The following KCTD19 variants were observed in gnomAD, a reference collection of about 807,000 sequenced individuals.
The protein encoded by KCTD19 is BTB/POZ domain-containing protein KCTD19.
KCTD19 carries 67 observed loss-of-function variants against 103.5 expected under a neutral mutation model. The observed-to-expected ratio is 0.65, with a 90% CI of 0.53 to 0.79. The LOEUF (loss-of-function observed/expected upper bound fraction) is 0.79, where lower values mean the gene tolerates loss of function less well. KCTD19 is among the 30% of genes least tolerant of loss of function. The pLI is 0.00. For synonymous variants in KCTD19, 439 were observed against 452.2 expected (o/e 0.97, Z 0.37); for missense variants, 980 against 1,136.1 (o/e 0.86, Z 1.98).
chr16:67,295,013 G>A lies in KCTD19; in HGVS notation c.1435C>T (p.Pro479Ser). The change falls in exon 10 of 16, where the codon CCA becomes TCA. Residue 479 changes from proline (P) to serine (S), a missense_variant. Coordinates refer to ENST00000304372, the MANE Select transcript of KCTD19 (RefSeq NM_001100915.3). The stretch of plus-strand genomic sequence containing the variant: ...TGTGCAAGGGCTTCTGAGAGGGATG[G>A]AATGTGGTATTCCTCCACCTCCTGG... ...FCQEVEEYHI[P>S]SLSEALAQCE... The A allele has an allele frequency of 1.2e-6, 2 of 1,613,992 alleles. No homozygotes were observed. Among genetic ancestry groups the A allele is most frequent in the African/African-American group, 2.7e-5 (2 of 75,040 alleles).
chr16:67,318,664 G>A (rs2037038812), intron 2 of KCTD19, among the ~76,000 whole-genome samples: 1 of 151,870 alleles, frequency 6.6e-6, no homozygotes, highest in Non-Finnish European at 1.5e-5. Flanking sequence ...TGTAGAATAG[G>A]CTTGTATTCT....
At chr16:67,301,531 C>T (rs549841955) in intron 5 of KCTD19, 5 of 324,456 alleles carry the variant, frequency 1.5e-5, no homozygotes, top group Admixed American at 4.6e-5. Flanking sequence ...CTGGGCTCCT[C>T]CTGATCCAGG....
In KCTD19 at chr16:67,322,460, G is replaced by A. The variant is rs535451216; in HGVS notation, c.4-1575C>T. Among the ~76,000 whole-genome samples, 23 of 152,100 alleles carry A rather than the reference G, an allele frequency of 1.5e-4. No homozygotes were observed. In the East Asian group the frequency reaches 1.7e-3, roughly 12 times the overall value. Reference sequence around the variant, plus strand: ...ACTACAGGCACCCGCCACCACGCCCGGCTAATTTTTTGTATTTTTAGTAGA... The same window carrying A: ...ACTACAGGCACCCGCCACCACGCCCAGCTAATTTTTTGTATTTTTAGTAGA... On this transcript the variant is annotated intron_variant, in intron 1 of 15. Coordinates refer to ENST00000304372, the MANE Select transcript of KCTD19 (RefSeq NM_001100915.3).
intron 2 of KCTD19, among the ~76,000 whole-genome samples, chr16:67,314,987 T>A (rs1377952274): frequency 1.3e-5 from 2 of 150,840 alleles, no homozygotes; most frequent in African/African-American, 2.5e-5. Context: ...TCCCAAGTAG[T>A]TGGGACTATA....
rs2036818205 is a variant in KCTD19, at chr16:67,300,175, G to C, written c.776-602C>G. On this transcript the variant is annotated intron_variant, in intron 5 of 15. Transcript: ENST00000304372. The surrounding 1 kb of genome is among the most constrained non-coding windows in gnomAD (Gnocchi z 4.5). ...TCCCGTGGCAACAATGTGCCAGTGGGCACACTGCTGGGGGATGTTCGTGGA... is the reference window on the plus strand; with the variant it reads ...TCCCGTGGCAACAATGTGCCAGTGGCCACACTGCTGGGGGATGTTCGTGGA... 1 of 152,654 alleles carries C rather than the reference G, an allele frequency of 6.6e-6. No individual in the cohort carries two copies. Among genetic ancestry groups the C allele is most frequent in the Non-Finnish European group, 1.5e-5 (1 of 68,394 alleles). The allele number at this position is 152,654 out of a possible 1,614,324, so 9.5% of individuals were successfully genotyped here.
chr16:67,319,391 G>A (rs963674995), intron 2 of KCTD19, among the ~76,000 whole-genome samples: 6 of 152,102 alleles, frequency 3.9e-5, no homozygotes, highest in Admixed American at 3.3e-4. Context: ...TCTAAAAAGT[G>A]TTGAGGCACA....
chr16:67,320,903 A>T lies in KCTD19; in HGVS notation c.4-18T>A. On this transcript the variant is annotated intron_variant, in intron 1 of 15. Transcript: ENST00000304372. The surrounding 1 kb of genome is among the most constrained non-coding windows in gnomAD (Gnocchi z 4.0). Reference sequence around the variant, plus strand: ...GACTCCTCCTAAAGGGGGAATGAAAAAGAGATCTACGCAAGAAAAAGAAAT... The same window carrying T: ...GACTCCTCCTAAAGGGGGAATGAAATAGAGATCTACGCAAGAAAAAGAAAT... The T allele has an allele frequency of 1.3e-6, 2 of 1,585,948 alleles. No individual in the cohort carries two copies. Among genetic ancestry groups the T allele is most frequent in the Non-Finnish European group, 1.7e-6 (2 of 1,168,644 alleles).
intron 2 of KCTD19, among the ~76,000 whole-genome samples, chr16:67,313,805 C>T (rs1340430124): frequency 1.3e-5 from 2 of 151,284 alleles, no homozygotes; most frequent in Admixed American, 6.6e-5. Context: ...TCAGGCTGGC[C>T]GCCTCAGCCT....
chr16:67,303,108 C>CGGGGCG lies in KCTD19; in HGVS notation c.643+37_643+38insCGCCCC. Reference sequence around the variant, plus strand: ...ATGGGGAGGGGTGAATGGGCCCTATCAGCCCGCCCCCCACCCCACCCCGGA... The same window carrying CGGGGCG: ...ATGGGGAGGGGTGAATGGGCCCTATCGGGGCGAGCCCGCCCCCCACCCCACCCCGGA... On this transcript the variant is annotated intron_variant, in intron 4 of 15. Coordinates refer to ENST00000304372, the MANE Select transcript of KCTD19 (RefSeq NM_001100915.3). This position sits in a 1 kb window ranked among gnomAD's most constrained non-coding sequence, Gnocchi z 4.3. 2.5e-6 allele frequency: 2 copies of CGGGGCG among 798,078 alleles called. No individual in the cohort carries two copies. Among genetic ancestry groups the CGGGGCG allele is most frequent in the Non-Finnish European group, 4.2e-6 (2 of 476,660 alleles). The allele number at this position is 798,078 out of a possible 1,614,324, so 49.4% of individuals were successfully genotyped here. A position where few individuals can be genotyped will look rare whatever the true frequency, so the allele number is the denominator to read the frequency against.
intron 15 of KCTD19, 108 bp downstream of exon 15, chr16:67,290,777 G>A: frequency 2.0e-6 from 2 of 993,466 alleles, no homozygotes; most frequent in Non-Finnish European, 2.9e-6. Flanking sequence ...TAAGCTGCCT[G>A]TCTAGCCTTC....
At chr16:67,319,156 G>A (rs1344618597) in intron 2 of KCTD19, among the ~76,000 whole-genome samples, 1 of 151,912 alleles carries the variant, frequency 6.6e-6, no homozygotes, top group Admixed American at 6.6e-5. Context: ...CTGGGAGGCG[G>A]AGGTTGCAGT....
chr16:67,290,287 C>T (rs1001592062), intron 15 of KCTD19, among the ~76,000 whole-genome samples: 2 of 150,608 alleles, frequency 1.3e-5, no homozygotes, highest in Non-Finnish European at 2.9e-5. Flanking sequence ...ACGCCATTCT[C>T]CTGCCTCAGC....
At position 67,320,785 on chromosome 16, in the gene KCTD19, G is replaced by A; in HGVS notation, c.104C>T (p.Pro35Leu). ...SVPRSKLSQF[P>L]DSLLWKEASA... is the part of the protein sequence containing the mutation. ...AGCCTCTTTCCACAGCAGGGAGTCTGGAAACTGAGAGAGTTTGCTTCTGGG... is the reference window on the plus strand; with the variant it reads ...AGCCTCTTTCCACAGCAGGGAGTCTAGAAACTGAGAGAGTTTGCTTCTGGG... The change falls in exon 2 of 16, where the codon CCA (proline) becomes CTA (leucine). Residue 35 changes from proline to leucine, a missense_variant. Physicochemically the swap from Pro to Leu is moderately conservative, Grantham distance 98. Transcript: ENST00000304372. The surrounding 1 kb of genome is among the most constrained non-coding windows in gnomAD (Gnocchi z 4.0). The A allele has an allele frequency of 6.2e-7, 1 of 1,614,160 alleles. No individual in the cohort carries two copies. Among genetic ancestry groups the A allele is most frequent in the African/African-American group, 1.3e-5 (1 of 75,040 alleles).
In KCTD19 at chr16:67,299,484, T is replaced by C. The variant is rs1479226261; in HGVS notation, c.865A>G (p.Met289Val). Residue 289 changes from methionine to valine, a missense_variant, in exon 6 of 16, where the codon ATG (methionine) becomes GTG (valine). Coordinates refer to ENST00000304372, the MANE Select transcript of KCTD19 (RefSeq NM_001100915.3). Reference protein sequence around the residue: ...SLESVKPLYTMALGLLVKYPD... With the variant: ...SLESVKPLYTVALGLLVKYPD... ...TACTTGACCAGCAGACCCAGGGCCA[T>C]TGTGTAGAGCGGTTTCACGGACTCC... The C allele has an allele frequency of 3.1e-6, 5 of 1,614,002 alleles. No homozygotes were observed. The highest frequency in any genetic ancestry group is 4.2e-6 in the Non-Finnish European group (5 of 1,180,010).
chr16:67,326,637 C>A, intron 1 of KCTD19, 68 bp downstream of exon 1: 1 of 1,548,446 alleles, frequency 6.5e-7, no homozygotes, highest in Non-Finnish European at 8.7e-7. Flanking sequence ...AGCCCCAATC[C>A]TTGGCCACAG....
chr16:67,317,791 T>A (rs1253834252), intron 2 of KCTD19, among the ~76,000 whole-genome samples: 3 of 152,174 alleles, frequency 2.0e-5, no homozygotes, highest in African/African-American at 7.2e-5. Context: ...TATTGGATCA[T>A]CCTATGTTTT....
At chr16:67,292,413 C>T (rs1304897353) in intron 12 of KCTD19, among the ~76,000 whole-genome samples, 1 of 152,188 alleles carries the variant, frequency 6.6e-6, no homozygotes, top group Non-Finnish European at 1.5e-5. Context: ...CATTTTGGAA[C>T]TCGAAGAAAC....
intron 2 of KCTD19, among the ~76,000 whole-genome samples, chr16:67,306,871 G>A (rs1021687309): frequency 1.3e-5 from 2 of 152,098 alleles, no homozygotes; most frequent in Non-Finnish European, 2.9e-5. Flanking sequence ...CTTTTAAACT[G>A]AATCCTTCCA....
chr16:67,324,997 G>A (rs1454974798), intron 1 of KCTD19, among the ~76,000 whole-genome samples: 2 of 152,028 alleles, frequency 1.3e-5, no homozygotes, highest in Admixed American at 1.3e-4. Context: ...AGTGACTAAG[G>A]GTCTCACATA....
Sources: gnomAD v4.1 joint callset for allele counts (sites outside exome capture counted in the v4.1 genomes callset) on GRCh38, gnomAD v4.1.1 for gene constraint, Gnocchi (gnomAD v3.1) non-coding constraint, MANE v1.5 for transcripts, NCBI Gene and HGNC (gene_info 2026-07-23, HGNC 2026-07-21) for gene names.